The following ZNF141 variants were observed in gnomAD, a reference collection of about 807,000 sequenced individuals.
ZNF141 encodes the protein zinc finger protein 141 (clone pHZ-44).
In ZNF141, 7 loss-of-function variants were observed where a neutral mutation model predicts 11.3. The ratio of observed to expected loss-of-function variants is 0.62; its 90% CI spans 0.35 to 1.16. The LOEUF (loss-of-function observed/expected upper bound fraction) is 1.16. ZNF141 is among the 50% of genes most tolerant of loss of function. The pLI, the probability that ZNF141 is intolerant of heterozygous loss-of-function variation, is 0.02. For missense variants in ZNF141, 535 were observed against 554.0 expected, an observed-to-expected ratio of 0.97 and a Z score of 0.34; for synonymous variants, 183 against 190.7, an observed-to-expected ratio of 0.96 and a Z score of 0.33.
intron 1 of ZNF141, among the ~76,000 whole-genome samples, chr4:338,924 G>T (rs1720920324): frequency 1.3e-5 from 2 of 152,302 alleles, no homozygotes; most frequent in South Asian, 4.1e-4. Flanking sequence ...AGACCAGCCG[G>T]GTTCTGCACA....
rs558082441 is a variant in ZNF141 at position 366,630 on chromosome 4, G to A, written c.227-6034G>A. On this transcript the variant is annotated intron_variant, in intron 3 of 3. Transcript: ENST00000240499. ...TCAATGTTTTATAATTATCAGTGTAGAGAGTGTTCACCTTTTCAATTCGGT... is the reference window on the plus strand; with the variant it reads ...TCAATGTTTTATAATTATCAGTGTAAAGAGTGTTCACCTTTTCAATTCGGT... 8.6e-5 allele frequency among the ~76,000 whole-genome samples: 13 copies of A among 151,944 alleles called. No homozygotes were observed. In the South Asian group the frequency reaches 2.7e-3, roughly 32 times the overall value.
At chr4:359,263 T>G (rs1721997945) in intron 3 of ZNF141, among the ~76,000 whole-genome samples, 1 of 152,174 alleles carries the variant, frequency 6.6e-6, no homozygotes, top group Non-Finnish European at 1.5e-5. Flanking sequence ...AGACTGAACT[T>G]TCTTTAAGAT....
Position 378,663 on chromosome 4 carries a change from A to T in ZNF141, c.*4801A>T, listed in dbSNP as rs528883138. Among the ~76,000 whole-genome samples, 6 of 152,130 alleles carry T rather than the reference A, an allele frequency of 3.9e-5. No homozygotes were observed. In the East Asian group the frequency reaches 1.2e-3, roughly 29 times the overall value. ...ATCTGCACTGATCTTTTTTGTCCAG[A>T]TTCATATTACAATCTTGAGGAATTT... On this transcript the variant is annotated 3_prime_UTR_variant, in exon 4 of 4. Transcript: ENST00000240499.
rs1285603042 is a variant in ZNF141 at position 337,830 on chromosome 4, A to G, written c.-154A>G. 6.3e-6 allele frequency: 6 copies of G among 952,114 alleles called. No homozygotes were observed. The highest frequency in any genetic ancestry group is 8.2e-6 in the Non-Finnish European group (5 of 611,606). The allele number at this position is 952,114 out of a possible 1,614,324, so 59.0% of individuals were successfully genotyped here. On this transcript the variant is annotated 5_prime_UTR_variant, in exon 1 of 4. Coordinates refer to ENST00000240499, the MANE Select transcript of ZNF141 (RefSeq NM_003441.4). ...GTGGCGCGGGTCTTTGCGTCTGGCTACTACCAGACCGCGGGTTAGGGGCTT... is the reference window on the plus strand; with the variant it reads ...GTGGCGCGGGTCTTTGCGTCTGGCTGCTACCAGACCGCGGGTTAGGGGCTT...
intron 1 of ZNF141, among the ~76,000 whole-genome samples, chr4:339,476 A>G (rs1720949123): frequency 6.9e-6 from 1 of 144,882 alleles, no homozygotes; most frequent in East Asian, 2.0e-4. Flanking sequence ...GCTCAAGTGC[A>G]TCCCTCATGT....
At position 375,674 on chromosome 4, in the gene ZNF141, AT is replaced by A. The variant is rs1399572004; in HGVS notation, c.*1818del. 1.3e-5 allele frequency among the ~76,000 whole-genome samples: 2 copies of A among 152,184 alleles called. No individual in the cohort carries two copies. The highest frequency in any genetic ancestry group is 1.3e-4 in the Admixed American group (2 of 15,294). The stretch of plus-strand genomic sequence containing the variant: ...TGAAGAGATACTACATTTAAAGTAT[AT>A]TTTTTCACTTGAAAAAAGTATAGAT... On this transcript the variant is annotated 3_prime_UTR_variant, in exon 4 of 4. Coordinates refer to ENST00000240499, the MANE Select transcript of ZNF141 (RefSeq NM_003441.4).
Position 375,119 on chromosome 4 carries a change from A to G in ZNF141, c.*1257A>G, listed in dbSNP as rs1581630687. 1 of 152,178 alleles carries G rather than the reference A, an allele frequency of 6.6e-6. No individual in the cohort carries two copies. Among genetic ancestry groups the G allele is most frequent in the South Asian group, 2.1e-4 (1 of 4,836 alleles). 9.4% of individuals were successfully genotyped at this position (152,178 alleles called of 1,614,324 possible). On this transcript the variant is annotated 3_prime_UTR_variant, in exon 4 of 4. Coordinates refer to ENST00000240499, the MANE Select transcript of ZNF141 (RefSeq NM_003441.4). ...AGTTATAGAAATATAAAAAATATAGAAAAGTCATATCTCCTCACATTTTAC... is the reference window on the plus strand; with the variant it reads ...AGTTATAGAAATATAAAAAATATAGGAAAGTCATATCTCCTCACATTTTAC...
chr4:365,532 T>C (rs1405656985), intron 3 of ZNF141, among the ~76,000 whole-genome samples: 1 of 152,274 alleles, frequency 6.6e-6, no homozygotes, highest in Non-Finnish European at 1.5e-5. Context: ...TTGTTAAATA[T>C]TCTATAAGTT....
At chr4:355,554 C>A (rs1252884529) in intron 3 of ZNF141, among the ~76,000 whole-genome samples, 1 of 152,140 alleles carries the variant, frequency 6.6e-6, no homozygotes, top group Non-Finnish European at 1.5e-5. Flanking sequence ...TAAATATAGG[C>A]ATTCCTACAC....
In ZNF141 at chr4:373,675, A is replaced by T; in HGVS notation, c.1238A>T (p.His413Leu). 1 of 1,614,196 alleles carries T rather than the reference A, an allele frequency of 6.2e-7. No individual in the cohort carries two copies. Among genetic ancestry groups the T allele is most frequent in the Non-Finnish European group, 8.5e-7 (1 of 1,180,028 alleles). ...AGACGGTCCACAGATCGGAGTCAAC[A>T]TAAGAAAATTCATAGTGCAGATAAA... is the stretch of plus-strand genomic sequence containing the variant. ...AFRRSTDRSQ[H>L]KKIHSADKPY... The change falls in exon 4 of 4, where the codon CAT becomes CTT. Residue 413 changes from histidine (H) to leucine (L), a missense_variant. His to Leu is a moderately conservative substitution (Grantham distance 99, BLOSUM62 -3). Transcript: ENST00000240499.
At chr4:364,561 A>T (rs1711634923) in intron 3 of ZNF141, among the ~76,000 whole-genome samples, 1 of 151,782 alleles carries the variant, frequency 6.6e-6, no homozygotes, top group Non-Finnish European at 1.5e-5. Context: ...TTCTTGTTGC[A>T]TCTATTTGAT....
At chr4:358,857 A>G (rs1721979132) in intron 3 of ZNF141, among the ~76,000 whole-genome samples, 2 of 152,178 alleles carry the variant, frequency 1.3e-5, no homozygotes, top group African/African-American at 4.8e-5. Context: ...TACAGGTGTG[A>G]GCCTCCTCGC....
At chr4:342,739 A>G in intron 1 of ZNF141, 1 of 1,339,300 alleles carries the variant, frequency 7.5e-7, no homozygotes. Context: ...GTTCTGGGTG[A>G]AAAGTCCTTA....
rs576884395 is a variant in ZNF141 at position 377,792 on chromosome 4, A to G, written c.*3930A>G. On this transcript the variant is annotated 3_prime_UTR_variant, in exon 4 of 4. Transcript: ENST00000240499. ...AAGTTAGAATAAGTAAAACATTAAT[A>G]TAAGTGGGTTGTATATTGTACCACC... is the stretch of plus-strand genomic sequence containing the variant. Among the ~76,000 whole-genome samples the G allele has an allele frequency of 6.6e-6, 1 of 152,370 alleles. No homozygotes were observed. Among genetic ancestry groups the G allele is most frequent in the Non-Finnish European group, 1.5e-5 (1 of 68,030 alleles).
At position 375,107 on chromosome 4, in the gene ZNF141, TA is replaced by T. The variant is rs1165707567; in HGVS notation, c.*1251del. The T allele has an allele frequency of 2.6e-5, 4 of 152,102 alleles. No individual in the cohort carries two copies. Among genetic ancestry groups the T allele is most frequent in the Admixed American group, 2.6e-4 (4 of 15,258 alleles). 9.4% of individuals were successfully genotyped at this position (152,102 alleles called of 1,614,324 possible). ...ATATTCGAGAAAAGTTATAGAAATA[TA>T]AAAAATATAGAAAAGTCATATCTCC... is the stretch of plus-strand genomic sequence containing the variant. On this transcript the variant is annotated 3_prime_UTR_variant, in exon 4 of 4. Coordinates refer to ENST00000240499, the MANE Select transcript of ZNF141 (RefSeq NM_003441.4).
At chr4:369,764 A>ATTTATATTTTTTTTTTTTTTTT (rs1711960320) in intron 3 of ZNF141, among the ~76,000 whole-genome samples, 1 of 48,742 alleles carries the variant, frequency 2.1e-5, no homozygotes, top group Non-Finnish European at 3.1e-5. Flanking sequence ...ATATATATAT[A>ATTTATATTTTTTTTTTTTTTTT]TTTTTTTTTT....
intron 3 of ZNF141, among the ~76,000 whole-genome samples, chr4:361,391 T>TG (rs1553852151): frequency 1.3e-5 from 2 of 151,876 alleles, no homozygotes; most frequent in African/African-American, 4.8e-5. Flanking sequence ...CTTTCTGTTT[T>TG]TTTTTTTTTT....
Position 381,927 on chromosome 4 carries a change from C to T in ZNF141, c.*8065C>T, listed in dbSNP as rs540570075. 2.0e-4 allele frequency among the ~76,000 whole-genome samples: 29 copies of T among 142,420 alleles called. No homozygotes were observed. Among genetic ancestry groups the T allele is most frequent in the African/African-American group, 7.4e-4 (27 of 36,620 alleles). The allele number at this position is 142,420 out of a possible 152,430, so 93.4% of individuals were successfully genotyped here. ...AGGAGGGCTGACCAAGCAGCTAGGG[C>T]CACCACCATCTCTGGGAACTTTTTT... On this transcript the variant is annotated 3_prime_UTR_variant, in exon 4 of 4. Coordinates refer to ENST00000240499, the MANE Select transcript of ZNF141 (RefSeq NM_003441.4).
chr4:372,611 A>T (rs1269187266), intron 3 of ZNF141, 53 bp from the exon 4 acceptor site: 1 of 1,384,234 alleles, frequency 7.2e-7, no homozygotes. Context: ...TTTGTAAAGT[A>T]TATTTATATG....
Sources: allele counts gnomAD v4.1 joint callset (sites outside exome capture counted in the v4.1 genomes callset), GRCh38; gene constraint gnomAD v4.1.1; transcripts MANE v1.5; gene names NCBI Gene and HGNC (gene_info 2026-07-23, HGNC 2026-07-21).